The following RTN4R variants were observed in gnomAD, a reference collection of about 807,000 sequenced individuals.
RTN4R encodes the protein reticulon 4 receptor, also known as reticulon-4 receptor.
Under a neutral mutation model 27.7 loss-of-function variants are expected in RTN4R, and 4 were observed. That is an observed-to-expected ratio of 0.14 (90% CI 0.07 to 0.33). RTN4R has a LOEUF of 0.33. Ranked by LOEUF, RTN4R falls within the 10% of genes least tolerant of loss-of-function variation. The probability of loss-of-function intolerance (pLI) is 1.00; values close to 1 mark genes in which losing one functional copy is unlikely to be tolerated. For missense variants in RTN4R, 554 were observed against 671.5 expected, an observed-to-expected ratio of 0.83 and a Z score of 1.93; for synonymous variants, 290 against 305.6, an observed-to-expected ratio of 0.95 and a Z score of 0.53.
chr22:20,246,498 T>A (rs1358203935), intron 1 of RTN4R, among the ~76,000 whole-genome samples: 1 of 42,470 alleles, frequency 2.4e-5, no homozygotes, highest in African/African-American at 9.2e-5. Flanking sequence ...AGGGGAGGGG[T>A]GGAGAAGGGG....
intron 1 of RTN4R, chr22:20,249,077 C>A (rs2051159692): frequency 5.7e-6 from 3 of 529,516 alleles, no homozygotes; most frequent in Non-Finnish European, 1.2e-5. Context: ...CCCACCTGCT[C>A]CTCCATGCTC....
At chr22:20,244,179 G>C (rs2051126850) in intron 1 of RTN4R, among the ~76,000 whole-genome samples, 1 of 152,250 alleles carries the variant, frequency 6.6e-6, no homozygotes, top group African/African-American at 2.4e-5. Context: ...TGCGTTGACA[G>C]CTAACACCTT....
chr22:20,253,871 A>G (rs1299921233), intron 1 of RTN4R, among the ~76,000 whole-genome samples: 3 of 152,210 alleles, frequency 2.0e-5, no homozygotes, highest in East Asian at 3.8e-4. Flanking sequence ...CAAGTGTTAG[A>G]AAACAAGGTC....
At chr22:20,257,206 T>C (rs1035155008) in intron 1 of RTN4R, among the ~76,000 whole-genome samples, 5 of 152,200 alleles carry the variant, frequency 3.3e-5, no homozygotes, top group African/African-American at 1.2e-4. Flanking sequence ...TGTTCCTGGG[T>C]TGGGGGCATG....
intron 1 of RTN4R, among the ~76,000 whole-genome samples, chr22:20,251,374 A>T (rs560031928): frequency 5.2e-4 from 79 of 152,274 alleles, no homozygotes; most frequent in Non-Finnish European, 7.2e-4. Context: ...TGCAAACAGG[A>T]TGCCCTGGAC....
At chr22:20,261,913 G>A (rs554719038) in intron 1 of RTN4R, among the ~76,000 whole-genome samples, 3 of 152,368 alleles carry the variant, frequency 2.0e-5, no homozygotes, top group Admixed American at 6.5e-5. Context: ...TGAGAACGAA[G>A]GGGCCAAAGC....
At position 20,242,947 on chromosome 22, in the gene RTN4R, G is replaced by A. The variant is rs1432361956; in HGVS notation, c.186C>T (p.Ile62=). The change falls in exon 2 of 2, where the codon ATC becomes ATT. Residue 62 remains isoleucine, a synonymous_variant. Transcript: ENST00000043402. ...PVGIPAASQR[I]FLHGNRISHV... The stretch of plus-strand genomic sequence containing the variant: ...GCGAGATGCGGTTGCCGTGCAGGAA[G>A]ATGCGCTGGCTGGCAGCAGGGATGC... 6.2e-7 allele frequency: 1 copy of A among 1,612,172 alleles called. No individual in the cohort carries two copies. The highest frequency in any genetic ancestry group is 8.5e-7 in the Non-Finnish European group (1 of 1,179,546).
Position 20,241,532 on chromosome 22 carries a change from G to A in RTN4R, c.*179C>T, listed in dbSNP as rs530602879. The A allele has an allele frequency of 4.9e-5, 32 of 655,416 alleles. No individual in the cohort carries two copies. Among genetic ancestry groups the A allele is most frequent in the South Asian group, 3.1e-4 (16 of 52,030 alleles). The allele number at this position is 655,416 out of a possible 1,614,324, so 40.6% of individuals were successfully genotyped here. ...GCGGCGTTCTGGAACAAACGCTGCCGCCGAACCCTGTAAACATGATGGGGT... is the reference window on the plus strand; with the variant it reads ...GCGGCGTTCTGGAACAAACGCTGCCACCGAACCCTGTAAACATGATGGGGT... On this transcript the variant is annotated 3_prime_UTR_variant, in exon 2 of 2. Transcript: ENST00000043402.
At position 20,241,949 on chromosome 22, in the gene RTN4R, A is replaced by T. The variant is rs776546639; in HGVS notation, c.1184T>A (p.Leu395His). 6 of 1,608,830 alleles carry T rather than the reference A, an allele frequency of 3.7e-6. No homozygotes were observed. In the South Asian group the frequency reaches 6.6e-5, roughly 18 times the overall value. ...GTLPGSAEPP[L>H]TAVRPEGSEP... ...GGAGCCCTCGGGCCGCACTGCAGTGAGCGGGGGCTCAGCAGAGCCAGGCAG... is the reference window on the plus strand; with the variant it reads ...GGAGCCCTCGGGCCGCACTGCAGTGTGCGGGGGCTCAGCAGAGCCAGGCAG... Residue 395 changes from leucine (L) to histidine (H), a missense_variant, in exon 2 of 2, where the codon CTC becomes CAC. By Grantham distance (99) the Leu-to-His change is moderately conservative. Transcript: ENST00000043402.
intron 1 of RTN4R, among the ~76,000 whole-genome samples, chr22:20,263,892 T>C (rs1472612731): frequency 1.3e-5 from 2 of 152,208 alleles, no homozygotes; most frequent in African/African-American, 4.8e-5. Context: ...CCGCAGGCCA[T>C]AGCAGGCAAG....
In RTN4R at chr22:20,265,101, C is replaced by G. The variant is rs2051269736; in HGVS notation, c.22+2970G>C. ...GAGGGCTCCTCTGCCTCCCGCCCGT[C>G]CTGTCCTCACCAGCTGGACCCTCCT... On this transcript the variant is annotated intron_variant, in intron 1 of 1. Coordinates refer to ENST00000043402, the MANE Select transcript of RTN4R (RefSeq NM_023004.6). Among the ~76,000 whole-genome samples, 3 of 152,338 alleles carry G rather than the reference C, an allele frequency of 2.0e-5. No homozygotes were observed. The South Asian group carries it at 6.2e-4, about 32-fold the overall frequency.
rs1391414913 is a variant in RTN4R, at chr22:20,268,278, CGCG to C, written c.-189_-187del. On this transcript the variant is annotated 5_prime_UTR_variant, in exon 1 of 2. Transcript: ENST00000043402. Reference sequence around the variant, plus strand: ...GGGCTCGGGCCGCGGGTGCGCAGGGCGCGCAGGGCGCACAGGGCGAGGGCGGCG... The same window carrying C: ...GGGCTCGGGCCGCGGGTGCGCAGGGCCAGGGCGCACAGGGCGAGGGCGGCG... 2.7e-3 allele frequency: 21 copies of C among 7,698 alleles called. No individual in the cohort carries two copies. The highest frequency in any genetic ancestry group is 9.1e-3 in the East Asian group (1 of 110). 0.5% of individuals were successfully genotyped at this position (7,698 alleles called of 1,614,324 possible). A position where few individuals can be genotyped will look rare whatever the true frequency, so the allele number is the denominator to read the frequency against.
chr22:20,253,128 A>AT (rs1473712734), intron 1 of RTN4R, among the ~76,000 whole-genome samples: 3 of 152,140 alleles, frequency 2.0e-5, no homozygotes, highest in Admixed American at 6.5e-5. Flanking sequence ...TATTGAGGAG[A>AT]TATGGCAGGC....
intron 1 of RTN4R, among the ~76,000 whole-genome samples, chr22:20,259,314 G>C (rs1400334849): frequency 1.3e-5 from 2 of 152,186 alleles, no homozygotes; most frequent in East Asian, 1.9e-4. Flanking sequence ...ATCTTTATGG[G>C]GAGAGTTTTT....
Position 20,242,869 on chromosome 22 carries a change from C to T in RTN4R, c.264G>A (p.Leu88=), listed in dbSNP as rs1178289040. The T allele has an allele frequency of 1.9e-6, 3 of 1,613,150 alleles. No individual in the cohort carries two copies. Among genetic ancestry groups the T allele is most frequent in the Non-Finnish European group, 2.5e-6 (3 of 1,179,904 alleles). ...RACRNLTILW[L]HSNVLARIDA... ...CAATTCGGGCCAGCACATTCGAGTG[C>T]AGCCACAGGATGGTGAGGTTGCGGC... Residue 88 remains leucine, a synonymous_variant, in exon 2 of 2, where the codon CTG becomes CTA. Coordinates refer to ENST00000043402, the MANE Select transcript of RTN4R (RefSeq NM_023004.6).
intron 1 of RTN4R, among the ~76,000 whole-genome samples, chr22:20,246,723 C>T (rs2051143582): frequency 6.6e-6 from 1 of 152,244 alleles, no homozygotes; most frequent in Non-Finnish European, 1.5e-5. Flanking sequence ...ACAGGGATGC[C>T]TTTGCCTCTG....
intron 1 of RTN4R, among the ~76,000 whole-genome samples, chr22:20,260,309 AG>A (rs2051237571): frequency 6.6e-6 from 1 of 152,146 alleles, no homozygotes; most frequent in Non-Finnish European, 1.5e-5. Context: ...GGGGCTGGGC[AG>A]GGCGTGACCG....
intron 1 of RTN4R, among the ~76,000 whole-genome samples, chr22:20,256,019 T>C (rs1394058286): frequency 6.6e-6 from 1 of 152,242 alleles, no homozygotes; most frequent in Non-Finnish European, 1.5e-5. Context: ...TGAAATCAAT[T>C]TGGGATGGAA....
intron 1 of RTN4R, among the ~76,000 whole-genome samples, chr22:20,251,567 T>G (rs895787096): frequency 2.0e-5 from 3 of 147,236 alleles, no homozygotes; most frequent in African/African-American, 7.5e-5. Flanking sequence ...AGCAGCAGCA[T>G]CATCACCATC....
Sources: allele counts gnomAD v4.1 joint callset (sites outside exome capture counted in the v4.1 genomes callset), GRCh38; gene constraint gnomAD v4.1.1; transcripts MANE v1.5; gene names NCBI Gene and HGNC (gene_info 2026-07-23, HGNC 2026-07-21).